Variants in GNG7 observed in about 807,000 individuals in gnomAD.
GNG7 encodes the protein G protein subunit gamma 7.
In GNG7, 1 loss-of-function variant was observed where a neutral mutation model predicts 4.0. That is an observed-to-expected ratio of 0.25 (90% CI 0.09 to 1.18). The LOEUF (loss-of-function observed/expected upper bound fraction) is 1.18, where lower values mean the gene tolerates loss of function less well. Ranked by LOEUF, GNG7 falls within the 50% of genes most tolerant of loss-of-function variation. The pLI, the probability that GNG7 is intolerant of heterozygous loss-of-function variation, is 0.50. For missense variants in GNG7, 86 were observed against 91.9 expected, an observed-to-expected ratio of 0.94 and a Z score of 0.26; for synonymous variants, 34 against 36.9, an observed-to-expected ratio of 0.92 and a Z score of 0.29.
At chr19:2,643,139 C>G (rs976203801) in intron 2 of GNG7, 3 of 453,894 alleles carry the variant, frequency 6.6e-6, no homozygotes, top group Non-Finnish European at 8.8e-6. Context: ...CTCTGCACAC[C>G]TTCCCACCCT....
chr19:2,661,554 T>A (rs1020828820), intron 1 of GNG7, among the ~76,000 whole-genome samples: 1 of 151,174 alleles, frequency 6.6e-6, no homozygotes, highest in Admixed American at 6.6e-5. Context: ...ATGCCTGTAA[T>A]CTCAGCTACT....
intron 4 of GNG7, 148 bp from the exon 5 acceptor site, chr19:2,515,295 A>T: frequency 1.1e-6 from 1 of 882,276 alleles, no homozygotes; most frequent in Non-Finnish European, 1.7e-6. Flanking sequence ...CGGCCCGTCC[A>T]CACGCTGGAA....
At chr19:2,697,840 C>T (rs1291961546) in intron 1 of GNG7, among the ~76,000 whole-genome samples, 1 of 151,716 alleles carries the variant, frequency 6.6e-6, no homozygotes, top group African/African-American at 2.4e-5. Flanking sequence ...GGCGTGGTGG[C>T]ACATGCCTGT....
chr19:2,661,284 A>AAG lies in GNG7; in HGVS notation c.-134-15006_-134-15005dup, dbSNP rs1491396207. Among the ~76,000 whole-genome samples the AAG allele has an allele frequency of 3.2e-4, 18 of 56,428 alleles. 1 individual carries two copies. The highest frequency in any genetic ancestry group is 5.6e-4 in the Non-Finnish European group (17 of 30,116). The allele number at this position is 56,428 out of a possible 152,430, so 37.0% of individuals were successfully genotyped here. A position where few individuals can be genotyped will look rare whatever the true frequency, so the allele number is the denominator to read the frequency against. ...AAGAAAGAAAGAAAAGAAAGAAAGA[A>AAG]AGAAAGAAAGAAAGAAAGAGAAAGA... On this transcript the variant is annotated intron_variant, in intron 1 of 4. Transcript: ENST00000382159.
intron 2 of GNG7, among the ~76,000 whole-genome samples, chr19:2,640,737 C>T (rs1176037834): frequency 1.3e-5 from 2 of 152,158 alleles, no homozygotes; most frequent in Non-Finnish European, 2.9e-5. Flanking sequence ...AAGTGATCCT[C>T]CTGCCTCAGC....
At chr19:2,532,011 C>T (rs60241069) in intron 3 of GNG7, among the ~76,000 whole-genome samples, 23 of 151,640 alleles carry the variant, frequency 1.5e-4, no homozygotes, top group African/African-American at 5.6e-4. Context: ...ATTAGCCGGG[C>T]GCCATGGCAG....
chr19:2,664,777 G>A (rs1254204421), intron 1 of GNG7, among the ~76,000 whole-genome samples: 1 of 152,100 alleles, frequency 6.6e-6, no homozygotes, highest in East Asian at 1.9e-4. Context: ...TGGAAACCGT[G>A]GACATTCAGA....
chr19:2,563,243 C>T (rs542927333), intron 2 of GNG7, among the ~76,000 whole-genome samples: 20 of 152,216 alleles, frequency 1.3e-4, no homozygotes, highest in South Asian at 4.1e-4. Flanking sequence ...CCACTGCGTC[C>T]GGCCCAGTAT....
chr19:2,579,516 C>A (rs1322505612), intron 2 of GNG7, among the ~76,000 whole-genome samples: 1 of 152,238 alleles, frequency 6.6e-6, no homozygotes, highest in Non-Finnish European at 1.5e-5. Context: ...GCCCTGGAGG[C>A]TGGGAATCCT....
At chr19:2,701,717 C>G (rs1258594762) in intron 1 of GNG7, among the ~76,000 whole-genome samples, 1 of 150,092 alleles carries the variant, frequency 6.7e-6, no homozygotes, top group Non-Finnish European at 1.5e-5. Flanking sequence ...AGCCCCCTCT[C>G]CAGCTCCCTG....
At chr19:2,646,782 C>T (rs373911274) in intron 1 of GNG7, among the ~76,000 whole-genome samples, 1 of 152,186 alleles carries the variant, frequency 6.6e-6, no homozygotes, top group Non-Finnish European at 1.5e-5. Context: ...ACATTTTCCA[C>T]GTGTTTGAAA....
At position 2,626,426 on chromosome 19, in the gene GNG7, G is replaced by T. The variant is rs1156698388; in HGVS notation, c.-78+19798C>A. 6.6e-6 allele frequency among the ~76,000 whole-genome samples: 1 copy of T among 152,148 alleles called. No homozygotes were observed. Among genetic ancestry groups the T allele is most frequent in the Non-Finnish European group, 1.5e-5 (1 of 68,024 alleles). ...GTTGTCATGGGTGGAGCCGGAACCCGCTATGGCTCCCTCCTGCCCTCGGGA... is the reference window on the plus strand; with the variant it reads ...GTTGTCATGGGTGGAGCCGGAACCCTCTATGGCTCCCTCCTGCCCTCGGGA... On this transcript the variant is annotated intron_variant, in intron 2 of 4. Transcript: ENST00000382159. This position sits in a 1 kb window ranked among gnomAD's most constrained non-coding sequence, Gnocchi z 5.0.
intron 1 of GNG7, among the ~76,000 whole-genome samples, chr19:2,652,955 T>C (rs1982869464): frequency 6.6e-6 from 1 of 151,736 alleles, no homozygotes; most frequent in South Asian, 2.1e-4. Context: ...AGCAAGACCC[T>C]ATCTCTACAA....
At chr19:2,660,611 C>G (rs1983119983) in intron 1 of GNG7, among the ~76,000 whole-genome samples, 1 of 151,872 alleles carries the variant, frequency 6.6e-6, no homozygotes, top group Non-Finnish European at 1.5e-5. Context: ...CCACCAACAC[C>G]CCACCACCAT....
At chr19:2,697,496 T>C (rs1380328563) in intron 1 of GNG7, among the ~76,000 whole-genome samples, 1 of 152,172 alleles carries the variant, frequency 6.6e-6, no homozygotes, top group African/African-American at 2.4e-5. Context: ...TAGGGTCTCC[T>C]GGGTGACGTA....
At chr19:2,549,448 A>T (rs1252784926) in intron 3 of GNG7, among the ~76,000 whole-genome samples, 1 of 151,882 alleles carries the variant, frequency 6.6e-6, no homozygotes, top group Non-Finnish European at 1.5e-5. Context: ...CCGCCACCGC[A>T]CCCGGCTAAT....
rs114395038 is a variant in GNG7, at chr19:2,656,653, G to A, written c.-134-10373C>T. 6.3e-3 allele frequency among the ~76,000 whole-genome samples: 960 copies of A among 152,272 alleles called. 8 individuals are homozygous for A. Among genetic ancestry groups the A allele is most frequent in the African/African-American group, 0.022 (925 of 41,548 alleles). Reference sequence around the variant, plus strand: ...AGAGGTTGGTAAACTCTGGCCCATGGGTCAAATGCAGCCCACTGCTTGCTT... The same window carrying A: ...AGAGGTTGGTAAACTCTGGCCCATGAGTCAAATGCAGCCCACTGCTTGCTT... On this transcript the variant is annotated intron_variant, in intron 1 of 4. Coordinates refer to ENST00000382159, the MANE Select transcript of GNG7 (RefSeq NM_052847.3).
At chr19:2,699,635 A>G (rs1417206264) in intron 1 of GNG7, among the ~76,000 whole-genome samples, 1 of 152,180 alleles carries the variant, frequency 6.6e-6, no homozygotes, top group Admixed American at 6.5e-5. Context: ...AGGGTTCCAC[A>G]CTGGAGTATC....
At chr19:2,694,165 G>A (rs1042682846) in intron 1 of GNG7, among the ~76,000 whole-genome samples, 2 of 151,742 alleles carry the variant, frequency 1.3e-5, no homozygotes, top group African/African-American at 2.4e-5. Context: ...AAATGTCAAG[G>A]CTATCTGGAA....
Sources: allele counts gnomAD v4.1 joint callset (sites outside exome capture counted in the v4.1 genomes callset), GRCh38; gene constraint gnomAD v4.1.1; non-coding constraint Gnocchi (gnomAD v3.1); transcripts MANE v1.5; gene names NCBI Gene and HGNC (gene_info 2026-07-23, HGNC 2026-07-21).